CFAP47: variants seen among roughly 807,000 people sequenced by gnomAD.
CFAP47 encodes cilia- and flagella-associated protein 47.
A neutral mutation model predicts 148.1 loss-of-function variants in CFAP47; 29 were observed. The observed-to-expected ratio is 0.20, with a 90% confidence interval of 0.15 to 0.27. The LOEUF is 0.27. Ranked by LOEUF, CFAP47 falls within the 10% of genes least tolerant of loss-of-function variation. The pLI, the probability that CFAP47 is intolerant of heterozygous loss-of-function variation, is 1.00. For missense variants in CFAP47, 1,872 were observed against 1,697.5 expected, an observed-to-expected ratio of 1.10 and a Z score of -1.81; for synonymous variants, 664 against 577.3, an observed-to-expected ratio of 1.15 and a Z score of -2.15.
chrX:35,948,332 A>G lies in CFAP47; in HGVS notation c.536A>G (p.Tyr179Cys). The G allele has an allele frequency of 8.3e-7, 1 of 1,204,070 alleles. No homozygotes were observed. Among genetic ancestry groups the G allele is most frequent in the Non-Finnish European group, 1.1e-6 (1 of 889,105 alleles). ...GKAPGIFKAE[Y>C]HGQLPILIFP... ...CCTATAGGCATATTTAAGGCAGAAT[A>G]CCACGGCCAATTACCCATCCTCATT... Residue 179 changes from tyrosine (Y) to cysteine (C), a missense_variant, in exon 4 of 64, where the codon TAC becomes TGC. Coordinates refer to ENST00000378653, the MANE Select transcript of CFAP47 (RefSeq NM_001304548.2).
In CFAP47 at chrX:36,339,248, T is replaced by TTA. The variant is rs200512641; in HGVS notation, c.8444-8878_8444-8877dup. Reference sequence around the variant, plus strand: ...CTTTTTTATATGAAGAAAATCTCACTTATAAATAACTTGCCTAGTTTCCCA... The same window carrying TTA: ...CTTTTTTATATGAAGAAAATCTCACTTATATAAATAACTTGCCTAGTTTCCCA... On this transcript the variant is annotated intron_variant, in intron 57 of 63. Coordinates refer to ENST00000378653, the MANE Select transcript of CFAP47 (RefSeq NM_001304548.2). 3.6e-5 allele frequency among the ~76,000 whole-genome samples: 4 copies of TTA among 110,097 alleles called. No homozygotes were observed. The East Asian group carries it at 8.6e-4, about 24-fold the overall frequency.
At chrX:36,375,599 T>A (rs782120758) in intron 62 of CFAP47, among the ~76,000 whole-genome samples, 1 of 112,656 alleles carries the variant, frequency 8.9e-6, no homozygotes, top group Non-Finnish European at 1.9e-5. Flanking sequence ...GGATGATCTA[T>A]CCATTGTTGA....
At chrX:35,947,759 C>A (rs1936104591) in intron 3 of CFAP47, among the ~76,000 whole-genome samples, 1 of 111,596 alleles carries the variant, frequency 9.0e-6, no homozygotes, top group South Asian at 3.8e-4. Context: ...CATTTCAAAA[C>A]TTCTATTTTG....
intron 33 of CFAP47, among the ~76,000 whole-genome samples, chrX:36,134,648 T>A (rs1040353422): frequency 5.4e-5 from 6 of 111,286 alleles, no homozygotes; most frequent in Non-Finnish European, 1.1e-4. Context: ...AGATCATAGA[T>A]CTAAATGTAA....
intron 6 of CFAP47, 26 bp downstream of exon 6, chrX:35,951,989 A>G: frequency 8.8e-7 from 1 of 1,132,311 alleles, no homozygotes; most frequent in Non-Finnish European, 1.2e-6. Context: ...TTTCATTGTA[A>G]TGTTAAATAT....
chrX:35,938,031 C>T (rs1029072453), intron 2 of CFAP47, among the ~76,000 whole-genome samples: 9 of 111,246 alleles, frequency 8.1e-5, no homozygotes, highest in Admixed American at 5.8e-4. Context: ...AAAATATCTA[C>T]GATTTTCATC....
At chrX:36,216,452 TG>T (rs1422448841) in intron 45 of CFAP47, among the ~76,000 whole-genome samples, 1 of 111,417 alleles carries the variant, frequency 9.0e-6, no homozygotes, top group Non-Finnish European at 1.9e-5. Context: ...AGTCTGATGC[TG>T]GATCTGTTAG....
chrX:36,083,286 C>T (rs953166044), intron 29 of CFAP47, among the ~76,000 whole-genome samples: 6 of 109,431 alleles, frequency 5.5e-5, no homozygotes, highest in East Asian at 2.9e-4. Flanking sequence ...TATACATGTA[C>T]GTATGTATAC....
Position 36,137,944 on chromosome X carries a change from CT to C in CFAP47, c.5321-8del. 3.3e-6 allele frequency: 2 copies of C among 603,500 alleles called. No homozygotes were observed. The highest frequency in any genetic ancestry group is 5.5e-6 in the Non-Finnish European group (2 of 366,856). The allele number at this position is 603,500 out of a possible 1,213,427, so 49.7% of individuals were successfully genotyped here. Reference sequence around the variant, plus strand: ...AACTATTGTTGTATTTACTCTCCCTCTTTTTTGAAACAGATGTTATCCCTTC... The same window carrying C: ...AACTATTGTTGTATTTACTCTCCCTCTTTTTGAAACAGATGTTATCCCTTC... On this transcript the variant is annotated splice_polypyrimidine_tract_variant and intron_variant, in intron 33 of 63. Transcript: ENST00000378653.
At chrX:36,063,325 G>C (rs1278380661) in intron 26 of CFAP47, among the ~76,000 whole-genome samples, 5 of 111,254 alleles carry the variant, frequency 4.5e-5, no homozygotes, top group African/African-American at 9.8e-5. Context: ...TTAAAATATA[G>C]GCTATTGGTA....
intron 24 of CFAP47, among the ~76,000 whole-genome samples, chrX:36,038,224 C>T (rs1313942790): frequency 8.9e-6 from 1 of 111,915 alleles, no homozygotes; most frequent in African/African-American, 3.2e-5. Context: ...CCTTGATGGC[C>T]CCAATCTTTG....
intron 24 of CFAP47, among the ~76,000 whole-genome samples, chrX:36,038,262 G>T (rs775072281): frequency 8.9e-6 from 1 of 111,747 alleles, no homozygotes; most frequent in Non-Finnish European, 1.9e-5. Context: ...CCCATTTGAG[G>T]GTTCTAAGAT....
intron 49 of CFAP47, among the ~76,000 whole-genome samples, chrX:36,263,517 GC>G (rs1556000524): frequency 2.7e-5 from 3 of 111,829 alleles, no homozygotes; most frequent in African/African-American, 9.8e-5. Flanking sequence ...TCCCTTTAAG[GC>G]CAATAACTAT....
At chrX:36,143,698 C>T (rs1447487494) in intron 35 of CFAP47, among the ~76,000 whole-genome samples, 1 of 111,826 alleles carries the variant, frequency 8.9e-6, no homozygotes, top group African/African-American at 3.3e-5. Context: ...CTTCAGCTTA[C>T]GTTCTGGCTA....
rs1319351155 is a variant in CFAP47 at position 35,962,922 on chromosome X, ATGTGGTG to A, written c.1411-3638_1411-3632del. ...ATTTCATTCCCCTTGGATAAATAAA[ATGTGGTG>A]TGTGTGTGTGTGTGTGTGTGTGTGT... On this transcript the variant is annotated intron_variant, in intron 8 of 63. Transcript: ENST00000378653. Among the ~76,000 whole-genome samples, 33 of 96,585 alleles carry A rather than the reference ATGTGGTG, an allele frequency of 3.4e-4. No homozygotes were observed. The South Asian group carries it at 5.9e-3, about 17-fold the overall frequency. The allele number at this position is 96,585 out of a possible 115,157, so 83.9% of individuals were successfully genotyped here. A position where few individuals can be genotyped will look rare whatever the true frequency, so the allele number is the denominator to read the frequency against.
intron 13 of CFAP47, among the ~76,000 whole-genome samples, chrX:35,973,811 G>A (rs1309367172): frequency 8.9e-6 from 1 of 112,324 alleles, no homozygotes; most frequent in Non-Finnish European, 1.9e-5. Flanking sequence ...TGAACCAAGT[G>A]CCTTACACAT....
rs184201526 is a variant in CFAP47 at position 35,962,077 on chromosome X, A to G, written c.1411-4488A>G. 8.6e-4 allele frequency among the ~76,000 whole-genome samples: 95 copies of G among 111,087 alleles called. 1 individual carries two copies. Among genetic ancestry groups the G allele is most frequent in the African/African-American group, 3.0e-3 (91 of 30,705 alleles). ...CCCTTGTGGTTTTATTCTTTAATCTATTGGTTATTTAGACATGTATTGCTT... is the reference window on the plus strand; with the variant it reads ...CCCTTGTGGTTTTATTCTTTAATCTGTTGGTTATTTAGACATGTATTGCTT... On this transcript the variant is annotated intron_variant, in intron 8 of 63. Transcript: ENST00000378653.
At chrX:36,265,527 T>A (rs192728524) in intron 49 of CFAP47, among the ~76,000 whole-genome samples, 1 of 111,952 alleles carries the variant, frequency 8.9e-6, no homozygotes, top group African/African-American at 3.3e-5. Context: ...TTCAGTATGA[T>A]ATTGGCTATA....
chrX:35,991,164 A>G (rs1414545396), intron 16 of CFAP47, among the ~76,000 whole-genome samples: 1 of 111,535 alleles, frequency 9.0e-6, no homozygotes, highest in Non-Finnish European at 1.9e-5. Flanking sequence ...GTAAAATGTG[A>G]TAGTACCATC....
Sources: allele counts gnomAD v4.1 joint callset (sites outside exome capture counted in the v4.1 genomes callset), GRCh38; gene constraint gnomAD v4.1.1; transcripts MANE v1.5; gene names NCBI Gene and HGNC (gene_info 2026-07-23, HGNC 2026-07-21).